Variants in RNF150 observed in about 807,000 individuals in gnomAD.
The protein encoded by RNF150 is ring finger protein 150.
A neutral mutation model predicts 39.3 loss-of-function variants in RNF150; 24 were observed. The observed-to-expected ratio is 0.61, with a 90% confidence interval of 0.44 to 0.86. The LOEUF is 0.86. Ranked by LOEUF, RNF150 falls within the 40% of genes least tolerant of loss-of-function variation. The pLI, the probability that RNF150 is intolerant of heterozygous loss-of-function variation, is 0.00. For synonymous variants in RNF150, 255 were observed against 227.3 expected (o/e 1.12, Z -1.10); for missense variants, 502 against 587.8 (o/e 0.85, Z 1.51).
At chr4:141,127,210 A>C (rs1286678882) in intron 1 of RNF150, among the ~76,000 whole-genome samples, 1 of 152,176 alleles carries the variant, frequency 6.6e-6, no homozygotes, top group Non-Finnish European at 1.5e-5. Flanking sequence ...TTCCTCGTCT[A>C]TCAAACGGAG....
intron 1 of RNF150, among the ~76,000 whole-genome samples, chr4:140,978,445 C>T (rs1427961106): frequency 6.6e-6 from 1 of 152,132 alleles, no homozygotes; most frequent in African/African-American, 2.4e-5. Context: ...CTCAGCTATA[C>T]TTGAGGTGAT....
chr4:140,971,521 G>T (rs1490529226), intron 1 of RNF150, among the ~76,000 whole-genome samples: 1 of 152,070 alleles, frequency 6.6e-6, no homozygotes, highest in East Asian at 1.9e-4. Flanking sequence ...CCTCCCAAAG[G>T]CACTTTATAC....
At chr4:140,954,839 G>T (rs890209143) in intron 2 of RNF150, among the ~76,000 whole-genome samples, 2 of 152,038 alleles carry the variant, frequency 1.3e-5, no homozygotes, top group African/African-American at 4.8e-5. Flanking sequence ...CAGTGAAAGT[G>T]ATAAAAAAAA....
intron 6 of RNF150, among the ~76,000 whole-genome samples, chr4:140,881,364 A>G (rs1488104652): frequency 6.6e-6 from 1 of 151,940 alleles, no homozygotes; most frequent in Non-Finnish European, 1.5e-5. Flanking sequence ...AGGTTTCACC[A>G]TTTTGCCCAG....
At chr4:141,070,827 TTCCTCAGGGA>T (rs1737666031) in intron 1 of RNF150, among the ~76,000 whole-genome samples, 1 of 150,776 alleles carries the variant, frequency 6.6e-6, no homozygotes, top group South Asian at 2.1e-4. Context: ...AGTGTGGTGA[TTCCTCAGGGA>T]TCTTGAACTA....
chr4:141,192,148 C>A (rs1728120604), intron 1 of RNF150, among the ~76,000 whole-genome samples: 1 of 152,180 alleles, frequency 6.6e-6, no homozygotes, highest in Non-Finnish European at 1.5e-5. Context: ...ATACTAACTT[C>A]CTTCAGCCTA....
intron 1 of RNF150, among the ~76,000 whole-genome samples, chr4:141,144,773 G>A (rs1470353686): frequency 6.6e-6 from 1 of 152,244 alleles, no homozygotes; most frequent in East Asian, 1.9e-4. Context: ...AGACACAAGT[G>A]TTATGAAAGC....
At chr4:140,982,640 G>A (rs2081471) in intron 1 of RNF150, among the ~76,000 whole-genome samples, 315 of 151,990 alleles carry the variant, frequency 2.1e-3, no homozygotes, top group African/African-American at 7.3e-3. Context: ...TGGGTCACTG[G>A]AACAATCAGT....
chr4:140,900,318 C>A (rs1270962437), intron 6 of RNF150, among the ~76,000 whole-genome samples: 1 of 152,092 alleles, frequency 6.6e-6, no homozygotes, highest in South Asian at 2.1e-4. Flanking sequence ...TTACAACTTT[C>A]TAGGAATTGA....
intron 1 of RNF150, among the ~76,000 whole-genome samples, chr4:141,012,215 G>A (rs1457398275): frequency 1.3e-5 from 2 of 152,204 alleles, no homozygotes; most frequent in African/African-American, 2.4e-5. Context: ...GAGAACTGCC[G>A]GAAAGCAGCC....
At position 141,139,565 on chromosome 4, in the gene RNF150, G is replaced by A. The variant is rs188113979; in HGVS notation, c.-6+73229C>T. ...TCCTGCTTATGACTATATTCTCAGC[G>A]TCTGCTGCAGTGTCTGGCCCATAGA... On this transcript the variant is annotated intron_variant, in intron 1 of 7. Coordinates refer to the RNF150 transcript ENST00000420921. 5.9e-4 allele frequency among the ~76,000 whole-genome samples: 90 copies of A among 152,330 alleles called. No individual in the cohort carries two copies. The East Asian group carries it at 7.7e-3, about 13-fold the overall frequency.
At chr4:141,095,219 C>A (rs1317169336) in intron 1 of RNF150, among the ~76,000 whole-genome samples, 1 of 152,140 alleles carries the variant, frequency 6.6e-6, no homozygotes, top group Non-Finnish European at 1.5e-5. Flanking sequence ...GGGCTGATAC[C>A]TCAGTCTGGA....
chr4:141,164,769 A>G (rs1727571610), intron 1 of RNF150, among the ~76,000 whole-genome samples: 1 of 152,230 alleles, frequency 6.6e-6, no homozygotes, highest in Non-Finnish European at 1.5e-5. Context: ...ACATTTTGTC[A>G]CCACCAGGCT....
chr4:141,115,170 T>C (rs1180353672), intron 1 of RNF150, among the ~76,000 whole-genome samples: 3 of 151,968 alleles, frequency 2.0e-5, no homozygotes, highest in Admixed American at 2.0e-4. Flanking sequence ...AGAAATAAAG[T>C]GTATTCAAAC....
rs1047510054 is a variant in RNF150, at chr4:140,864,452, G to T, written c.*3809C>A. ...TCCTTTTCTTCCCCATAGCATTGGG[G>T]TGGCAGGTGGATGCTGACTTGGAGT... is the stretch of plus-strand genomic sequence containing the variant. On this transcript the variant is annotated 3_prime_UTR_variant, in exon 7 of 7. Transcript: ENST00000515673. 1 of 152,290 alleles carries T rather than the reference G, an allele frequency of 6.6e-6. No homozygotes were observed. The highest frequency in any genetic ancestry group is 2.1e-4 in the South Asian group (1 of 4,832). The allele number at this position is 152,290 out of a possible 1,614,324, so 9.4% of individuals were successfully genotyped here.
chr4:140,941,081 A>G (rs1276409023), intron 4 of RNF150, among the ~76,000 whole-genome samples: 2 of 152,192 alleles, frequency 1.3e-5, no homozygotes, highest in African/African-American at 4.8e-5. Context: ...GAAAAAAAAT[A>G]ATAAGAATAG....
intron 1 of RNF150, among the ~76,000 whole-genome samples, chr4:141,114,785 C>G (rs1292999053): frequency 1.3e-5 from 2 of 152,156 alleles, no homozygotes; most frequent in African/African-American, 4.8e-5. Flanking sequence ...CATCAAAAAG[C>G]TTACACACCA....
chr4:141,017,176 C>A (rs935128540), intron 1 of RNF150, among the ~76,000 whole-genome samples: 4 of 151,948 alleles, frequency 2.6e-5, no homozygotes, highest in African/African-American at 9.7e-5. Context: ...TTATTCAAGC[C>A]CCTCAGGCTT....
At chr4:141,052,280 A>G (rs1432428009) in intron 1 of RNF150, among the ~76,000 whole-genome samples, 2 of 152,220 alleles carry the variant, frequency 1.3e-5, no homozygotes, top group Non-Finnish European at 2.9e-5. Context: ...GAATTTCACA[A>G]TAACTTTTCC....
Sources: gnomAD v4.1 joint callset for allele counts (sites outside exome capture counted in the v4.1 genomes callset) on GRCh38, gnomAD v4.1.1 for gene constraint, MANE v1.5 for transcripts, NCBI Gene and HGNC (gene_info 2026-07-23, HGNC 2026-07-21) for gene names.